The following TRIP6 variants were observed in gnomAD, a reference collection of about 807,000 sequenced individuals.
TRIP6 encodes thyroid hormone receptor interactor 6.
In TRIP6, 33 loss-of-function variants were observed where a neutral mutation model predicts 51.9. The observed-to-expected ratio is 0.64, with a 90% confidence interval of 0.48 to 0.85. The LOEUF is 0.85. Among genes scored for constraint, TRIP6 ranks in the 40% least tolerant of loss-of-function variants. The probability of loss-of-function intolerance (pLI) is 0.00; values close to 1 mark genes in which losing one functional copy is unlikely to be tolerated. For synonymous variants in TRIP6, 255 were observed against 275.8 expected, an observed-to-expected ratio of 0.92 and a Z score of 0.75; for missense variants, 661 against 652.1, an observed-to-expected ratio of 1.01 and a Z score of -0.15.
Position 100,868,620 on chromosome 7 carries a change from G to T in TRIP6, c.489G>T (p.Pro163=). The T allele has an allele frequency of 6.2e-7, 1 of 1,612,634 alleles. No individual in the cohort carries two copies. Among genetic ancestry groups the T allele is most frequent in the Non-Finnish European group, 8.5e-7 (1 of 1,179,838 alleles). ...CCTCTTACACTACCGCCAGCACCCC[G>T]GCTGGCCCAGCCTTCCCCGTGCAAG... The part of the protein sequence containing the change: ...TPASYTTAST[P]AGPAFPVQVK... The change falls in exon 4 of 9, where the codon CCG becomes CCT. Residue 163 remains proline (P), a synonymous_variant. Coordinates refer to ENST00000200457, the MANE Select transcript of TRIP6 (RefSeq NM_003302.3).
chr7:100,872,014 T>A (rs1006300186), intron 7 of TRIP6, among the ~76,000 whole-genome samples: 3 of 130,804 alleles, frequency 2.3e-5, no homozygotes, highest in African/African-American at 8.7e-5. Flanking sequence ...GTTTTCTTCG[T>A]TTTTTTTTTT....
chr7:100,867,841 T>C lies in TRIP6; in HGVS notation c.110-20T>C, dbSNP rs1815175940. The C allele has an allele frequency of 2.6e-6, 4 of 1,537,120 alleles. No homozygotes were observed. The highest frequency in any genetic ancestry group is 3.5e-6 in the Non-Finnish European group (4 of 1,150,396). On this transcript the variant is annotated intron_variant, in intron 1 of 8. Transcript: ENST00000200457. The surrounding 1 kb of genome is among the most constrained non-coding windows in gnomAD (Gnocchi z 5.4). ...CTGTCCTCCGCCACCCCACCTTTGA[T>C]TTCTCTTCCCTCAACCCAGCACTCC...
In TRIP6 at chr7:100,873,403, T is replaced by C. The variant is rs1815323343; in HGVS notation, c.*100T>C. 2.7e-6 allele frequency: 4 copies of C among 1,460,382 alleles called. No individual in the cohort carries two copies. Among genetic ancestry groups the C allele is most frequent in the African/African-American group, 1.4e-5 (1 of 70,808 alleles). The allele number at this position is 1,460,382 out of a possible 1,614,324, so 90.5% of individuals were successfully genotyped here. On this transcript the variant is annotated 3_prime_UTR_variant, in exon 9 of 9. Coordinates refer to ENST00000200457, the MANE Select transcript of TRIP6 (RefSeq NM_003302.3). The stretch of plus-strand genomic sequence containing the variant: ...CCTGTATGACTTTGTCACCAAATGC[T>C]GTCTTCTCTTTCTCCAATCAAGAAA...
intron 8 of TRIP6, chr7:100,872,970 C>T: frequency 2.8e-6 from 3 of 1,076,324 alleles, no homozygotes; most frequent in Non-Finnish European, 3.8e-6. Context: ...CCTGCCTCAG[C>T]CTCCTGAGTA....
rs768624050 is a variant in TRIP6 at position 100,868,568 on chromosome 7, C to T, written c.437C>T (p.Ala146Val). The T allele has an allele frequency of 5.0e-6, 8 of 1,613,078 alleles. No individual in the cohort carries two copies. Among genetic ancestry groups the T allele is most frequent in the Middle Eastern group, 3.3e-4 (2 of 6,062 alleles). The change falls in exon 4 of 9, where the codon GCG becomes GTG. Residue 146 changes from alanine to valine, a missense_variant. Transcript: ENST00000200457. ...LKPNPASPLP[A>V]SPYGGPTPAS... is the part of the protein sequence containing the mutation. ...CCAAATCCAGCCTCGCCGCTCCCAG[C>T]GTCTCCCTATGGGGGCCCCACTCCA...
intron 6 of TRIP6, 126 bp from the exon 7 acceptor site, chr7:100,871,417 C>A: frequency 1.1e-6 from 1 of 929,388 alleles, no homozygotes; most frequent in Non-Finnish European, 1.6e-6. Flanking sequence ...CTGCCTTTCA[C>A]CGAATCACAT....
chr7:100,873,205 T>G lies in TRIP6; in HGVS notation c.1333T>G (p.Cys445Gly). The G allele has an allele frequency of 6.2e-7, 1 of 1,613,552 alleles. No individual in the cohort carries two copies. Among genetic ancestry groups the G allele is most frequent in the Admixed American group, 1.7e-5 (1 of 60,004 alleles). ...GCTGCTGCTCTCCTCTGAGGGCGAG[T>G]GTCAGGGCTGCTACCCGCTGGATGG... Reference protein sequence around the residue: ...CGLLLSSEGECQGCYPLDGHI... With the variant: ...CGLLLSSEGEGQGCYPLDGHI... Residue 445 changes from cysteine (C) to glycine (G), a missense_variant, in exon 9 of 9, where the codon TGT (cysteine) becomes GGT (glycine). Transcript: ENST00000200457.
Position 100,868,494 on chromosome 7 carries a change from G to A in TRIP6, c.364-1G>A. ...GACTTCTGGCCTGCGTTTCTCCTCA[G>A]GCATATGAGCCCCCGCCACCTCCTG... On this transcript the variant is annotated splice_acceptor_variant, in intron 3 of 8. Transcript: ENST00000200457. LOFTEE classifies it high-confidence loss of function. 6.2e-7 allele frequency: 1 copy of A among 1,613,052 alleles called. No homozygotes were observed. Among genetic ancestry groups the A allele is most frequent in the Non-Finnish European group, 8.5e-7 (1 of 1,180,006 alleles).
rs777332634 is a variant in TRIP6 at position 100,868,228 on chromosome 7, C to A, written c.358C>A (p.Arg120=). 6.2e-7 allele frequency: 1 copy of A among 1,607,608 alleles called. No individual in the cohort carries two copies. Among genetic ancestry groups the A allele is most frequent in the Admixed American group, 1.7e-5 (1 of 59,284 alleles). ...GGGTCATGCGTCACGGCGACCAGACCGACAGGTGACTCTGCCCCTCCTCCC... is the reference window on the plus strand; with the variant it reads ...GGGTCATGCGTCACGGCGACCAGACAGACAGGTGACTCTGCCCCTCCTCCC... The part of the protein sequence containing the change: ...GRGHASRRPD[R]QAYEPPPPPA... The change falls in exon 3 of 9, where the codon CGA becomes AGA. Residue 120 remains arginine (R), a synonymous_variant. Transcript: ENST00000200457.
intron 7 of TRIP6, among the ~76,000 whole-genome samples, chr7:100,872,003 A>AGTTTTCT (rs1815282988): frequency 7.1e-6 from 1 of 140,398 alleles, no homozygotes; most frequent in Non-Finnish European, 1.5e-5. Flanking sequence ...ATGCCTGGCT[A>AGTTTTCT]GTTTTCTTCG....
intron 6 of TRIP6, 25 bp downstream of exon 6, chr7:100,870,768 G>T (rs1338119099): frequency 1.3e-6 from 2 of 1,598,868 alleles, no homozygotes; most frequent in Admixed American, 1.7e-5. Context: ...CTGGGAGGAG[G>T]GAGTCAGTGG....
At position 100,871,559 on chromosome 7, in the gene TRIP6, G is replaced by A. The variant is rs1367716185; in HGVS notation, c.1016G>A (p.Cys339Tyr). 1 of 1,613,892 alleles carries A rather than the reference G, an allele frequency of 6.2e-7. No homozygotes were observed. The highest frequency in any genetic ancestry group is 8.5e-7 in the Non-Finnish European group (1 of 1,179,904). ...EGCYVATLEK[C>Y]ATCSQPILDR... ...TCCCAACAGGCCACCCTGGAGAAAT[G>A]TGCCACGTGCTCCCAGCCCATCCTG... The change falls in exon 7 of 9, where the codon TGT becomes TAT. Residue 339 changes from cysteine (C) to tyrosine (Y), a missense_variant. By Grantham distance (194) the Cys-to-Tyr change is radical. Coordinates refer to ENST00000200457, the MANE Select transcript of TRIP6 (RefSeq NM_003302.3).
intron 6 of TRIP6, 64 bp from the exon 7 acceptor site, chr7:100,871,479 G>A: frequency 6.4e-7 from 1 of 1,558,652 alleles, no homozygotes; most frequent in Non-Finnish European, 8.8e-7. Context: ...GGGTTGCTGG[G>A]GTTCCTGTTG....
In TRIP6 at chr7:100,868,516, C is replaced by G; in HGVS notation, c.385C>G (p.Pro129Ala). Residue 129 changes from proline (P) to alanine (A), a missense_variant, in exon 4 of 9, where the codon CCT becomes GCT. Transcript: ENST00000200457. ...DRQAYEPPPPPAYRTGSLKPN... is the reference protein window; with the variant it reads ...DRQAYEPPPPAAYRTGSLKPN... Reference sequence around the variant, plus strand: ...TCAGGCATATGAGCCCCCGCCACCTCCTGCCTACCGCACGGGCTCCCTGAA... The same window carrying G: ...TCAGGCATATGAGCCCCCGCCACCTGCTGCCTACCGCACGGGCTCCCTGAA... The G allele has an allele frequency of 6.2e-7, 1 of 1,613,100 alleles. No individual in the cohort carries two copies. The highest frequency in any genetic ancestry group is 8.5e-7 in the Non-Finnish European group (1 of 1,180,026).
Position 100,867,673 on chromosome 7 carries a change from A to G in TRIP6, c.109+67A>G. ...GCGCTCACCTCTGTCCTACCGCTCC[A>G]GCCTCCCGCCCTGGCTGCTTCCTCC... On this transcript the variant is annotated intron_variant, in intron 1 of 8. Coordinates refer to ENST00000200457, the MANE Select transcript of TRIP6 (RefSeq NM_003302.3). This position sits in a 1 kb window ranked among gnomAD's most constrained non-coding sequence, Gnocchi z 5.4. The G allele has an allele frequency of 6.4e-7, 1 of 1,568,848 alleles. No individual in the cohort carries two copies. The highest frequency in any genetic ancestry group is 8.6e-7 in the Non-Finnish European group (1 of 1,156,170).
At chr7:100,870,966 C>A in intron 6 of TRIP6, 1 of 691,734 alleles carries the variant, frequency 1.4e-6, no homozygotes, top group Non-Finnish European at 2.6e-6. Context: ...GAGCATCTTA[C>A]AGTTAAAGAG....
chr7:100,873,326 G>A lies in TRIP6; in HGVS notation c.*23G>A. ...TGAGTCTTCCTAGAAGTACCTGCTGGGTTCTCAGTTCCAGTTCCCATCCTT... is the reference window on the plus strand; with the variant it reads ...TGAGTCTTCCTAGAAGTACCTGCTGAGTTCTCAGTTCCAGTTCCCATCCTT... On this transcript the variant is annotated 3_prime_UTR_variant, in exon 9 of 9. Coordinates refer to ENST00000200457, the MANE Select transcript of TRIP6 (RefSeq NM_003302.3). 6.3e-7 allele frequency: 1 copy of A among 1,586,468 alleles called. No individual in the cohort carries two copies. Among genetic ancestry groups the A allele is most frequent in the South Asian group, 1.1e-5 (1 of 90,094 alleles).
Position 100,868,670 on chromosome 7 carries a change from G to A in TRIP6, c.539G>A (p.Gly180Asp), listed in dbSNP as rs202026207. The A allele has an allele frequency of 6.2e-7, 1 of 1,606,684 alleles. No individual in the cohort carries two copies. Among genetic ancestry groups the A allele is most frequent in the East Asian group, 2.2e-5 (1 of 44,732 alleles). The change falls in exon 4 of 9, where the codon GGC (glycine) becomes GAC (aspartate). Residue 180 changes from glycine to aspartate, a missense_variant. Coordinates refer to ENST00000200457, the MANE Select transcript of TRIP6 (RefSeq NM_003302.3). ...VQVKVAQPVR[G>D]CGPPRRGASQ... ...GTGAAGGTGGCACAGCCAGTGAGGG[G>A]CTGCGGCCCACCCAGGCGGGGAGCC...
In TRIP6 at chr7:100,871,565, C is replaced by T. The variant is rs747629634; in HGVS notation, c.1022C>T (p.Thr341Met). 13 of 1,614,008 alleles carry T rather than the reference C, an allele frequency of 8.1e-6. No individual in the cohort carries two copies. The Admixed American group carries it at 1.7e-4, about 21-fold the overall frequency. ...CYVATLEKCATCSQPILDRIL... is the reference protein window; with the variant it reads ...CYVATLEKCAMCSQPILDRIL... ...CAGGCCACCCTGGAGAAATGTGCCA[C>T]GTGCTCCCAGCCCATCCTGGACCGG... The change falls in exon 7 of 9, where the codon ACG (threonine) becomes ATG (methionine). Residue 341 changes from threonine (T) to methionine (M), a missense_variant. Coordinates refer to ENST00000200457, the MANE Select transcript of TRIP6 (RefSeq NM_003302.3).
Sources: gnomAD v4.1 joint callset for allele counts (sites outside exome capture counted in the v4.1 genomes callset) on GRCh38, gnomAD v4.1.1 for gene constraint, Gnocchi (gnomAD v3.1) non-coding constraint, MANE v1.5 for transcripts, NCBI Gene and HGNC (gene_info 2026-07-23, HGNC 2026-07-21) for gene names.